Variants in DOCK2 observed in about 807,000 individuals in gnomAD.
The protein encoded by DOCK2 is dedicator of cytokinesis 2.
A neutral mutation model predicts 248.9 loss-of-function variants in DOCK2; 87 were observed. The observed-to-expected ratio is 0.35, with a 90% CI of 0.29 to 0.42. The LOEUF (loss-of-function observed/expected upper bound fraction) is 0.42. Among genes scored for constraint, DOCK2 ranks in the 10% least tolerant of loss-of-function variants. The pLI, the probability that DOCK2 is intolerant of heterozygous loss-of-function variation, is 1.00. For synonymous variants in DOCK2, 805 were observed against 821.6 expected (o/e 0.98, Z 0.35); for missense variants, 1,747 against 2,300.2 (o/e 0.76, Z 4.92).
At chr5:169,724,751 C>CT (rs57297495) in intron 22 of DOCK2, among the ~76,000 whole-genome samples, 26,050 of 145,004 alleles carry the variant, frequency 0.18, 3,870 homozygotes, top group African/African-American at 0.38. Context: ...TTTCTTTTGT[C>CT]TTTTTTTTTT....
chr5:170,002,757 T>C (rs1249528284), intron 30 of DOCK2, among the ~76,000 whole-genome samples: 1 of 150,756 alleles, frequency 6.6e-6, no homozygotes, highest in African/African-American at 2.5e-5. Context: ...ATTCCAGTTC[T>C]AACTCTCTAT....
chr5:169,835,953 G>A (rs780858099), intron 26 of DOCK2, among the ~76,000 whole-genome samples: 3 of 151,558 alleles, frequency 2.0e-5, no homozygotes, highest in African/African-American at 4.9e-5. Context: ...ATGGGATTTC[G>A]CCCTGTTGCC....
At chr5:170,000,681 CT>C (rs148974409) in intron 30 of DOCK2, among the ~76,000 whole-genome samples, 2,428 of 152,264 alleles carry the variant, frequency 0.016, 66 homozygotes, top group African/African-American at 0.054. Flanking sequence ...TCCAGAAAGA[CT>C]CTGTGTTAGG....
intron 27 of DOCK2, among the ~76,000 whole-genome samples, chr5:169,973,518 CAA>C (rs527951805): frequency 1.2e-4 from 18 of 152,258 alleles, no homozygotes; most frequent in African/African-American, 3.8e-4. Flanking sequence ...TCCCCATTCA[CAA>C]AGAGAGAACT....
At chr5:169,734,215 C>T (rs1247543857) in intron 22 of DOCK2, among the ~76,000 whole-genome samples, 2 of 151,962 alleles carry the variant, frequency 1.3e-5, no homozygotes, top group South Asian at 2.1e-4. Context: ...TTTTCAAAAA[C>T]TCCATTTTGT....
intron 14 of DOCK2, among the ~76,000 whole-genome samples, chr5:169,704,752 C>CAT (rs201877120): frequency 0.016 from 2,240 of 136,044 alleles, 30 homozygotes; most frequent in Middle Eastern, 0.022. Context: ...TCATTTACTC[C>CAT]ATATATATGT....
chr5:169,875,101 G>A (rs1772237505), intron 27 of DOCK2: 1 of 422,560 alleles, frequency 2.4e-6, no homozygotes, highest in Admixed American at 2.6e-5. Context: ...TATTTTACAA[G>A]CAAGTATTTT....
intron 6 of DOCK2, among the ~76,000 whole-genome samples, chr5:169,680,561 T>A (rs1759602487): frequency 1.3e-5 from 2 of 152,158 alleles, no homozygotes; most frequent in South Asian, 4.1e-4. Context: ...AAAAAGAGGC[T>A]AGGTACGGTA....
intron 25 of DOCK2, among the ~76,000 whole-genome samples, chr5:169,765,191 T>A (rs1192907685): frequency 1.3e-5 from 2 of 152,168 alleles, no homozygotes; most frequent in African/African-American, 4.8e-5. Context: ...AATTACTTAA[T>A]CCTTGTAAGT....
intron 27 of DOCK2, among the ~76,000 whole-genome samples, chr5:169,928,483 A>C (rs1207114716): frequency 6.6e-6 from 1 of 152,214 alleles, no homozygotes; most frequent in Non-Finnish European, 1.5e-5. Flanking sequence ...TTCCCCATGC[A>C]TCAGTGCTGC....
chr5:169,828,481 T>C (rs906904708), intron 26 of DOCK2, among the ~76,000 whole-genome samples: 1 of 152,134 alleles, frequency 6.6e-6, no homozygotes, highest in Admixed American at 6.6e-5. Flanking sequence ...ATGAGGATAG[T>C]AGACCTTTGA....
chr5:169,712,104 A>G lies in DOCK2; in HGVS notation c.1556-16A>G. ...ATGTATCATTTTCTTTCCTGACCCCACAATGCTATTTCCAGCTAAAGATAA... is the reference window on the plus strand; with the variant it reads ...ATGTATCATTTTCTTTCCTGACCCCGCAATGCTATTTCCAGCTAAAGATAA... On this transcript the variant is annotated splice_polypyrimidine_tract_variant and intron_variant, in intron 16 of 51. Transcript: ENST00000520908. 1.2e-6 allele frequency: 2 copies of G among 1,614,000 alleles called. No homozygotes were observed. Among genetic ancestry groups the G allele is most frequent in the Non-Finnish European group, 1.7e-6 (2 of 1,179,882 alleles).
intron 27 of DOCK2, among the ~76,000 whole-genome samples, chr5:169,886,466 C>G (rs770151378): frequency 6.6e-6 from 1 of 152,224 alleles, no homozygotes; most frequent in Non-Finnish European, 1.5e-5. Flanking sequence ...CTTTCTGCAT[C>G]TTCCTCCTCA....
chr5:169,705,417 A>T (rs1761211061), intron 14 of DOCK2, among the ~76,000 whole-genome samples: 1 of 152,022 alleles, frequency 6.6e-6, no homozygotes, highest in Non-Finnish European at 1.5e-5. Context: ...GGGATAGGGG[A>T]AGTATGGGAT....
At position 169,707,503 on chromosome 5, in the gene DOCK2, C is replaced by T. The variant is rs1458181153; in HGVS notation, c.1384-666C>T. ...TCATCACGTTGCCTTGCTGTCATGA[C>T]GTGTTCCCTAATGTTTCCTGCACAA... On this transcript the variant is annotated intron_variant, in intron 14 of 51. Transcript: ENST00000520908. Among the ~76,000 whole-genome samples, 5 of 152,162 alleles carry T rather than the reference C, an allele frequency of 3.3e-5. No individual in the cohort carries two copies. The East Asian group carries it at 7.7e-4, about 23-fold the overall frequency.
chr5:169,665,340 G>A (rs1462664933), intron 2 of DOCK2, among the ~76,000 whole-genome samples: 4 of 146,940 alleles, frequency 2.7e-5, no homozygotes, highest in Middle Eastern at 4.0e-3. Flanking sequence ...ATCTATATAT[G>A]TTTATATATA....
At chr5:169,755,182 G>A (rs1465503457) in intron 23 of DOCK2, among the ~76,000 whole-genome samples, 1 of 151,956 alleles carries the variant, frequency 6.6e-6, no homozygotes, top group Non-Finnish European at 1.5e-5. Context: ...CTGGGCTCAA[G>A]TGATCAATCC....
intron 32 of DOCK2, among the ~76,000 whole-genome samples, chr5:170,015,537 T>C (rs1162579037): frequency 6.6e-6 from 1 of 151,472 alleles, no homozygotes; most frequent in Non-Finnish European, 1.5e-5. Context: ...CTGTGTTCTG[T>C]CTTCCCCTTT....
At chr5:169,878,438 G>A (rs766154160) in intron 27 of DOCK2, among the ~76,000 whole-genome samples, 3 of 152,166 alleles carry the variant, frequency 2.0e-5, no homozygotes, top group Non-Finnish European at 4.4e-5. Context: ...TATTTAAAAG[G>A]ACTAGTTTTA....
Sources: gnomAD v4.1 joint callset for allele counts (sites outside exome capture counted in the v4.1 genomes callset) on GRCh38, gnomAD v4.1.1 for gene constraint, MANE v1.5 for transcripts, NCBI Gene and HGNC (gene_info 2026-07-23, HGNC 2026-07-21) for gene names.